The following EML6 variants were observed in gnomAD, a reference collection of about 807,000 sequenced individuals.
EML6 encodes the protein EMAP like 6.
A neutral mutation model predicts 240.1 loss-of-function variants in EML6; 154 were observed. The ratio of observed to expected loss-of-function variants is 0.64; its 90% CI spans 0.56 to 0.73. The LOEUF is 0.73. EML6 is among the 30% of genes least tolerant of loss of function. EML6 has a pLI of 0.00. For synonymous variants in EML6, 1,148 were observed against 899.0 expected (o/e 1.28, Z -4.95); for missense variants, 2,964 against 2,474.6 (o/e 1.20, Z -4.20).
intron 28 of EML6, among the ~76,000 whole-genome samples, chr2:54,941,222 A>G (rs1322158534): frequency 1.3e-5 from 2 of 152,214 alleles, no homozygotes; most frequent in African/African-American, 4.8e-5. Context: ...TCATTAGCAT[A>G]TCTTTCACCT....
intron 2 of EML6, among the ~76,000 whole-genome samples, chr2:54,760,012 G>A (rs1296126589): frequency 6.6e-6 from 1 of 151,680 alleles, no homozygotes; most frequent in Non-Finnish European, 1.5e-5. Context: ...CTCCGGCTCC[G>A]ATTCTGGGCC....
rs1201812777 is a variant in EML6 at position 54,859,550 on chromosome 2, G to A, written c.1674G>A (p.Lys558=). 1.9e-6 allele frequency: 3 copies of A among 1,549,906 alleles called. No individual in the cohort carries two copies. In the Admixed American group the frequency reaches 5.9e-5, roughly 31 times the overall value. ...TTCTTTCAGGAGCCAAATTTAGAAAGTATGTGGGCCATTCTGCACATGTCA... is the reference window on the plus strand; with the variant it reads ...TTCTTTCAGGAGCCAAATTTAGAAAATATGTGGGCCATTCTGCACATGTCA... The part of the protein sequence containing the change: ...PCLKRGAKFR[K]YVGHSAHVTN... The change falls in exon 12 of 42, where the codon AAG becomes AAA. Residue 558 remains lysine (K), a synonymous_variant. Coordinates refer to ENST00000356458, the MANE Select transcript of EML6 (RefSeq NM_001039753.4).
chr2:54,823,878 T>TCTCTCTCTCTCTTTCTCTCTCTTTC (rs60937620), intron 5 of EML6, among the ~76,000 whole-genome samples: 1 of 129,124 alleles, frequency 7.7e-6, no homozygotes, highest in African/African-American at 3.4e-5. Flanking sequence ...CTCTCTCTCT[T>TCTCTCTCTCTCTTTCTCTCTCTTTC]TCTGTCTCTC....
At chr2:54,798,389 G>A (rs1037626744) in intron 2 of EML6, among the ~76,000 whole-genome samples, 1 of 152,118 alleles carries the variant, frequency 6.6e-6, no homozygotes. Context: ...TTGCCAGGCT[G>A]GTCTGGAACT....
chr2:54,928,885 C>T (rs1674706330), intron 28 of EML6, 134 bp downstream of exon 28: 23 of 1,073,790 alleles, frequency 2.1e-5, no homozygotes, highest in Non-Finnish European at 3.0e-5. Flanking sequence ...GAGTCTTCAC[C>T]TGTACACAGG....
intron 30 of EML6, among the ~76,000 whole-genome samples, chr2:54,951,780 C>T (rs1453251327): frequency 6.6e-6 from 1 of 151,716 alleles, no homozygotes; most frequent in Non-Finnish European, 1.5e-5. Flanking sequence ...TAGATTTAAA[C>T]AGTGAAATCA....
At chr2:54,740,887 C>T (rs1189368311) in intron 2 of EML6, among the ~76,000 whole-genome samples, 1 of 151,966 alleles carries the variant, frequency 6.6e-6, no homozygotes, top group Non-Finnish European at 1.5e-5. Context: ...TCTTTCTTGC[C>T]TTGAGTGAAA....
chr2:54,879,489 A>G (rs1671704651), intron 16 of EML6, 58 bp from the exon 17 acceptor site: 1 of 1,096,694 alleles, frequency 9.1e-7, no homozygotes, highest in Non-Finnish European at 1.4e-6. Context: ...TTTACAGTGT[A>G]TGAAATGTTT....
intron 2 of EML6, among the ~76,000 whole-genome samples, chr2:54,758,089 A>C (rs528620008): frequency 6.6e-6 from 1 of 151,652 alleles, no homozygotes; most frequent in Non-Finnish European, 1.5e-5. Flanking sequence ...GTTTTATTTG[A>C]CTTTCACTTT....
At chr2:54,892,374 T>G in intron 18 of EML6, 80 bp from the exon 19 acceptor site, 1 of 869,472 alleles carries the variant, frequency 1.2e-6, no homozygotes, top group Admixed American at 2.6e-5. Flanking sequence ...ACACCAGGTT[T>G]CTCATGGAAG....
intron 2 of EML6, among the ~76,000 whole-genome samples, chr2:54,727,725 A>G (rs528776415): frequency 6.5e-4 from 99 of 152,358 alleles, no homozygotes; most frequent in African/African-American, 2.2e-3. Flanking sequence ...GTGAGATAGC[A>G]TAAGTAATTG....
At chr2:54,959,022 G>A in intron 33 of EML6, 82 bp from the exon 34 acceptor site, 1 of 1,329,968 alleles carries the variant, frequency 7.5e-7, no homozygotes, top group Non-Finnish European at 1.0e-6. Context: ...TCTAGCTCTG[G>A]TTCCTTAATG....
chr2:54,923,952 A>G (rs796713508), intron 26 of EML6, among the ~76,000 whole-genome samples: 10 of 152,362 alleles, frequency 6.6e-5, no homozygotes, highest in African/African-American at 2.4e-4. Context: ...GTTGTTGCAT[A>G]ATAATAGTTC....
At chr2:54,847,439 C>A in intron 8 of EML6, 47 bp from the exon 9 acceptor site, 2 of 1,538,984 alleles carry the variant, frequency 1.3e-6, no homozygotes, top group East Asian at 2.5e-5. Context: ...GGCCGATGAC[C>A]ATGGGAAGTT....
At chr2:54,958,660 A>T (rs1676349170) in intron 33 of EML6, among the ~76,000 whole-genome samples, 1 of 152,174 alleles carries the variant, frequency 6.6e-6, no homozygotes, top group South Asian at 2.1e-4. Context: ...TGTGCCACAG[A>T]TGCCCCCAAT....
chr2:54,927,213 A>T (rs1416255672), intron 26 of EML6, among the ~76,000 whole-genome samples: 1 of 152,184 alleles, frequency 6.6e-6, no homozygotes, highest in Non-Finnish European at 1.5e-5. Flanking sequence ...TCTGCTGAGG[A>T]GTGGGCAGTT....
intron 2 of EML6, among the ~76,000 whole-genome samples, chr2:54,796,977 C>T (rs555616348): frequency 2.3e-4 from 35 of 151,742 alleles, no homozygotes; most frequent in Non-Finnish European, 2.2e-4. Flanking sequence ...TACTGGCTAA[C>T]GTGGTGAAAC....
At chr2:54,842,662 T>C (rs1465558438) in intron 7 of EML6, among the ~76,000 whole-genome samples, 1 of 152,216 alleles carries the variant, frequency 6.6e-6, no homozygotes, top group Non-Finnish European at 1.5e-5. Context: ...TTGATATTGC[T>C]TCTGTATTTC....
At position 54,895,500 on chromosome 2, in the gene EML6, C is replaced by T. The variant is rs76679797; in HGVS notation, c.2982+100C>T. On this transcript the variant is annotated intron_variant, in intron 21 of 41. Transcript: ENST00000356458. Reference sequence around the variant, plus strand: ...GTTGCAAAACTTAAGGAGGCACTCACTCTCAGGGTTGCACAAGAGTTGAAC... The same window carrying T: ...GTTGCAAAACTTAAGGAGGCACTCATTCTCAGGGTTGCACAAGAGTTGAAC... The T allele has an allele frequency of 1.2e-5, 14 of 1,189,008 alleles. No individual in the cohort carries two copies. In the African/African-American group the frequency reaches 2.0e-4, roughly 17 times the overall value. The allele number at this position is 1,189,008 out of a possible 1,614,324, so 73.7% of individuals were successfully genotyped here.
Sources: gnomAD v4.1 joint callset for allele counts (sites outside exome capture counted in the v4.1 genomes callset) on GRCh38, gnomAD v4.1.1 for gene constraint, MANE v1.5 for transcripts, NCBI Gene and HGNC (gene_info 2026-07-23, HGNC 2026-07-21) for gene names.